STAG3: variants seen among roughly 807,000 people sequenced by gnomAD.
STAG3 encodes the protein STAG3 cohesin complex component.
STAG3 carries 101 observed loss-of-function variants against 160.7 expected under a neutral mutation model. The ratio of observed to expected loss-of-function variants is 0.63; its 90% confidence interval spans 0.54 to 0.74. The LOEUF (loss-of-function observed/expected upper bound fraction) is 0.74. STAG3 is among the 30% of genes least tolerant of loss of function. The probability of loss-of-function intolerance (pLI) is 0.00; values close to 1 mark genes in which losing one functional copy is unlikely to be tolerated. For synonymous variants in STAG3, 519 were observed against 585.0 expected, an observed-to-expected ratio of 0.89 and a Z score of 1.63; for missense variants, 1,188 against 1,517.4, an observed-to-expected ratio of 0.78 and a Z score of 3.61.
At chr7:100,191,255 C>T (rs1176245083) in intron 8 of STAG3, among the ~76,000 whole-genome samples, 1 of 152,066 alleles carries the variant, frequency 6.6e-6, no homozygotes, top group African/African-American at 2.4e-5. Context: ...GCTAAATCTC[C>T]CCTGGGGAAC....
At chr7:100,213,868 C>T (rs1802523892) in intron 33 of STAG3, 62 bp downstream of exon 33, 4 of 1,613,710 alleles carry the variant, frequency 2.5e-6, no homozygotes, top group East Asian at 2.2e-5. Context: ...AACCCGTGCA[C>T]TCATCAAATT....
At chr7:100,201,755 A>G (rs1290032965) in intron 21 of STAG3, 31 bp from the exon 22 acceptor site, 4 of 1,605,984 alleles carry the variant, frequency 2.5e-6, no homozygotes, top group Non-Finnish European at 3.4e-6. Flanking sequence ...CCTAACCCAA[A>G]CCTCATTTTT....
At position 100,211,162 on chromosome 7, in the gene STAG3, C is replaced by T; in HGVS notation, c.3390C>T (p.Gly1130=). 2 of 1,553,998 alleles carry T rather than the reference C, an allele frequency of 1.3e-6. No homozygotes were observed. Among genetic ancestry groups the T allele is most frequent in the Admixed American group, 1.8e-5 (1 of 55,366 alleles). The change falls in exon 30 of 34, where the codon GGC becomes GGT. Residue 1130 remains glycine, a synonymous_variant. Transcript: ENST00000615138. The part of the protein sequence containing the change: ...WGLKEMEEED[G]SELDFAQGSQ... ...TGAAAGAGATGGAGGAAGAAGATGG[C>T]TCAGAGTTGGATTTTGCCCAGGGGT...
intron 8 of STAG3, among the ~76,000 whole-genome samples, chr7:100,193,000 CCTT>C (rs2117199808): frequency 6.6e-6 from 1 of 152,320 alleles, no homozygotes; most frequent in Non-Finnish European, 1.5e-5. Context: ...TGAAATTACT[CCTT>C]GTTTCATGGG....
chr7:100,214,635 G>GAGTGGAGCAGGACCT (rs1192455671), downstream of STAG3, among the ~76,000 whole-genome samples: 1 of 152,150 alleles, frequency 6.6e-6, no homozygotes, highest in Non-Finnish European at 1.5e-5. Context: ...ACAGGTGGCA[G>GAGTGGAGCAGGACCT]AGTGGAGCAG....
chr7:100,209,406 A>G (rs955272586), intron 29 of STAG3, among the ~76,000 whole-genome samples: 1 of 152,238 alleles, frequency 6.6e-6, no homozygotes, highest in Admixed American at 6.5e-5. Flanking sequence ...TTCAAGGAAC[A>G]GCAGAGAAGA....
At chr7:100,217,782 A>G (rs1011109686), downstream of STAG3, among the ~76,000 whole-genome samples, 3 of 152,128 alleles carry the variant, frequency 2.0e-5, no homozygotes, top group Admixed American at 6.5e-5. Flanking sequence ...TACTTCTTCT[A>G]TGCTCTTCTC....
At chr7:100,181,811 G>A (rs1799662671) in intron 2 of STAG3, among the ~76,000 whole-genome samples, 1 of 149,934 alleles carries the variant, frequency 6.7e-6, no homozygotes, top group African/African-American at 2.5e-5. Context: ...TGAGGTAGGA[G>A]AATCGCTTGA....
rs575474512 is a variant in STAG3, at chr7:100,213,514, C to A, written c.3601-221C>A. ...CAGAAAAAATCCGTTTTCTGGTTTC[C>A]AAAACAAAGTCATTTAAGGGGCTCA... On this transcript the variant is annotated intron_variant, in intron 32 of 33. Coordinates refer to ENST00000615138, the MANE Select transcript of STAG3 (RefSeq NM_001282717.2). The A allele has an allele frequency of 1.4e-5, 14 of 985,182 alleles. No individual in the cohort carries two copies. The African/African-American group carries it at 2.4e-4, about 17-fold the overall frequency. 61.0% of individuals were successfully genotyped at this position (985,182 alleles called of 1,614,324 possible). A position where few individuals can be genotyped will look rare whatever the true frequency, so the allele number is the denominator to read the frequency against.
At chr7:100,206,549 G>C (rs1238431260) in intron 29 of STAG3, among the ~76,000 whole-genome samples, 1 of 151,676 alleles carries the variant, frequency 6.6e-6, no homozygotes, top group Non-Finnish European at 1.5e-5. Flanking sequence ...TCGACTCACT[G>C]CAACCTCCGC....
At chr7:100,184,197 C>T (rs1449607524) in intron 4 of STAG3, among the ~76,000 whole-genome samples, 2 of 151,036 alleles carry the variant, frequency 1.3e-5, no homozygotes, top group Non-Finnish European at 2.9e-5. Context: ...ACTCGGGAGG[C>T]GGAGGTTGCA....
intron 3 of STAG3, 26 bp from the exon 4 acceptor site, chr7:100,182,697 A>G (rs373514810): frequency 9.1e-5 from 146 of 1,598,178 alleles, no homozygotes; most frequent in Non-Finnish European, 1.2e-4. Flanking sequence ...TTTTTTTCAT[A>G]TTTCTGATCT....
chr7:100,214,116 C>A lies in STAG3; in HGVS notation c.*101C>A, dbSNP rs1754407591. On this transcript the variant is annotated 3_prime_UTR_variant, in exon 34 of 34. Transcript: ENST00000615138. ...GAGCAAAATGAAGCATTCCCCCAGG[C>A]TTCAGCCCTGGGCTCTGAGGGGAAA... is the stretch of plus-strand genomic sequence containing the variant. The A allele has an allele frequency of 2.7e-6, 4 of 1,465,480 alleles. No homozygotes were observed. The highest frequency in any genetic ancestry group is 2.3e-4 in the Middle Eastern group (1 of 4,272). The allele number at this position is 1,465,480 out of a possible 1,614,324, so 90.8% of individuals were successfully genotyped here.
At chr7:100,216,315 T>TTATA (rs1185438466), downstream of STAG3, among the ~76,000 whole-genome samples, 2 of 151,584 alleles carry the variant, frequency 1.3e-5, no homozygotes, top group East Asian at 3.9e-4. Context: ...AAATTGTAAG[T>TTATA]TATATAAACA....
chr7:100,213,279 T>C, intron 32 of STAG3: 1 of 1,011,992 alleles, frequency 9.9e-7, no homozygotes, highest in South Asian at 4.0e-5. Context: ...TTTCAATATG[T>C]GGGTTTAGGG....
chr7:100,189,014 CTGG>C lies in STAG3; in HGVS notation c.715+1_715+3del, dbSNP rs781348305. The C allele has an allele frequency of 1.2e-6, 2 of 1,614,148 alleles. No homozygotes were observed. The highest frequency in any genetic ancestry group is 1.1e-5 in the South Asian group (1 of 91,078). On this transcript the variant is annotated splice_donor_variant and coding_sequence_variant, in exon 7 of 34. Coordinates refer to ENST00000615138, the MANE Select transcript of STAG3 (RefSeq NM_001282717.2). LOFTEE classifies it high-confidence loss of function. Reference sequence around the variant, plus strand: ...GCCTTCCGTCACACTAGCACCCTGGCTGGTGAGCATTCATTTTTACTCTGGACA... The same window carrying C: ...GCCTTCCGTCACACTAGCACCCTGGCTGAGCATTCATTTTTACTCTGGACA...
At chr7:100,178,100 C>T (rs1799388658) in intron 1 of STAG3, 95 bp downstream of exon 1, 1 of 142,802 alleles carries the variant, frequency 7.0e-6, no homozygotes, top group Non-Finnish European at 1.5e-5. Context: ...TCTCGCGACC[C>T]TCCCGGCCCT....
chr7:100,202,474 T>G lies in STAG3; in HGVS notation c.2584T>G (p.Leu862Val), dbSNP rs767137724. ...LGSGDSQEDH[L>V]QIERLHQRRR... is the part of the protein sequence containing the mutation. ...GCCAGGTGATTCCCAGGAGGATCAT[T>G]TACAGATAGAGCGGCTACACCAGCG... The change falls in exon 25 of 34, where the codon TTA becomes GTA. Residue 862 changes from leucine (L) to valine (V), a missense_variant. This residue lies in a region of STAG3 where 647 missense variants were observed against 717.2 expected (regional missense o/e 0.90). Coordinates refer to ENST00000615138, the MANE Select transcript of STAG3 (RefSeq NM_001282717.2). The G allele has an allele frequency of 6.2e-7, 1 of 1,614,054 alleles. No homozygotes were observed. The highest frequency in any genetic ancestry group is 1.1e-5 in the South Asian group (1 of 91,076).
chr7:100,193,211 T>A (rs1436464049), intron 8 of STAG3, among the ~76,000 whole-genome samples: 2 of 152,218 alleles, frequency 1.3e-5, no homozygotes, highest in Non-Finnish European at 2.9e-5. Context: ...AGATGTGATA[T>A]CAGTTAGGCT....
Sources: gnomAD v4.1 joint callset for allele counts (sites outside exome capture counted in the v4.1 genomes callset) on GRCh38, gnomAD v4.1.1 for gene constraint, gnomAD v4.1.1 regional missense constraint, MANE v1.5 for transcripts, NCBI Gene and HGNC (gene_info 2026-07-23, HGNC 2026-07-21) for gene names.